Variants in DIPK1A observed in about 807,000 individuals in gnomAD.
DIPK1A encodes family with sequence similarity 69 member A.
DIPK1A carries 27 observed loss-of-function variants against 40.8 expected under a neutral mutation model. That is an observed-to-expected ratio of 0.66 (90% confidence interval 0.49 to 0.91). The LOEUF is 0.91. Ranked by LOEUF, DIPK1A falls within the 40% of genes least tolerant of loss-of-function variation. DIPK1A has a pLI of 0.00. For missense variants in DIPK1A, 412 were observed against 505.7 expected, an observed-to-expected ratio of 0.81 and a Z score of 1.78; for synonymous variants, 166 against 171.3, an observed-to-expected ratio of 0.97 and a Z score of 0.24.
chr1:92,961,278 C>T, intron 1 of DIPK1A, 98 bp downstream of exon 1: 1 of 893,126 alleles, frequency 1.1e-6, no homozygotes, highest in Non-Finnish European at 1.6e-6. Flanking sequence ...GGGCACAGAC[C>T]CAGGGAGGGA....
chr1:92,847,082 G>T, intron 4 of DIPK1A, 101 bp downstream of exon 4: 2 of 725,924 alleles, frequency 2.8e-6, no homozygotes, highest in Non-Finnish European at 4.0e-6. Flanking sequence ...ATCTGATAGA[G>T]GTCAAAGAAT....
At chr1:92,884,737 T>G (rs1648520550) in intron 1 of DIPK1A, among the ~76,000 whole-genome samples, 1 of 152,192 alleles carries the variant, frequency 6.6e-6, no homozygotes, top group Non-Finnish European at 1.5e-5. Context: ...AAAGTTTAAC[T>G]CTGTTTTACC....
chr1:92,909,216 C>T (rs1649737446), intron 1 of DIPK1A, among the ~76,000 whole-genome samples: 1 of 152,156 alleles, frequency 6.6e-6, no homozygotes, highest in Non-Finnish European at 1.5e-5. Flanking sequence ...TTTCCTTCAT[C>T]TGCAGAGGAG....
chr1:92,835,079 A>C, intron 4 of DIPK1A: 1 of 999,262 alleles, frequency 1.0e-6, no homozygotes, highest in Admixed American at 2.2e-5. Flanking sequence ...GCTCTTTCCA[A>C]TAAAATTTTC....
At chr1:92,919,291 A>G (rs1218411319) in intron 1 of DIPK1A, among the ~76,000 whole-genome samples, 2 of 152,214 alleles carry the variant, frequency 1.3e-5, no homozygotes, top group Non-Finnish European at 2.9e-5. Flanking sequence ...AACATAAAAG[A>G]AATATTTTGG....
At position 92,877,233 on chromosome 1, in the gene DIPK1A, T is replaced by G. The variant is rs538616022; in HGVS notation, c.55-803A>C. 87 of 597,556 alleles carry G rather than the reference T, an allele frequency of 1.5e-4. No individual in the cohort carries two copies. The African/African-American group carries it at 1.7e-3, about 12-fold the overall frequency. 37.0% of individuals were successfully genotyped at this position (597,556 alleles called of 1,614,324 possible). A position where few individuals can be genotyped will look rare whatever the true frequency, so the allele number is the denominator to read the frequency against. On this transcript the variant is annotated intron_variant, in intron 1 of 4. Coordinates refer to ENST00000370310, the MANE Select transcript of DIPK1A (RefSeq NM_001006605.5). The stretch of plus-strand genomic sequence containing the variant: ...TCCATCAATTACATATCAAACAGTT[T>G]CATCTTCAAAAGTGACACTTGATCA...
chr1:92,961,253 C>T (rs1652075294), intron 1 of DIPK1A, 123 bp downstream of exon 1: 1 of 512,718 alleles, frequency 2.0e-6, no homozygotes, highest in Admixed American at 4.7e-5. Flanking sequence ...CGGCAGGGGG[C>T]AGCGGGGTTC....
chr1:92,876,342 G>C lies in DIPK1A; in HGVS notation c.143C>G (p.Ser48Cys), dbSNP rs1295045664. ...TCCTCTGCATAATTCTGTATAGGTA[G>C]AATACTGCACATATATAATCCAGCT... ...VGSWIIYVQY[S>C]TYTELCRGKD... The change falls in exon 2 of 5, where the codon TCT (serine) becomes TGT (cysteine). Residue 48 changes from serine (S) to cysteine (C), a missense_variant. Coordinates refer to ENST00000370310, the MANE Select transcript of DIPK1A (RefSeq NM_001006605.5). 3 of 1,602,710 alleles carry C rather than the reference G, an allele frequency of 1.9e-6. No individual in the cohort carries two copies. The South Asian group carries it at 3.3e-5, about 18-fold the overall frequency.
intron 1 of DIPK1A, among the ~76,000 whole-genome samples, chr1:92,921,236 G>A (rs561670113): frequency 2.6e-5 from 4 of 152,242 alleles, no homozygotes; most frequent in African/African-American, 9.6e-5. Flanking sequence ...TCAGCCCTCA[G>A]ACACTGTTTA....
chr1:92,911,819 G>C (rs1649837197), intron 1 of DIPK1A, among the ~76,000 whole-genome samples: 1 of 151,698 alleles, frequency 6.6e-6, no homozygotes, highest in African/African-American at 2.4e-5. Flanking sequence ...TGGCCAACAT[G>C]GTGAAACCTC....
chr1:92,941,206 T>C (rs927643373), intron 1 of DIPK1A, among the ~76,000 whole-genome samples: 3 of 152,222 alleles, frequency 2.0e-5, no homozygotes, highest in Non-Finnish European at 4.4e-5. Context: ...CTTGCCAGAA[T>C]GAAATAGGAC....
At chr1:92,875,648 C>A (rs1365634562) in intron 2 of DIPK1A, among the ~76,000 whole-genome samples, 1 of 145,666 alleles carries the variant, frequency 6.9e-6, no homozygotes, top group Non-Finnish European at 1.5e-5. Context: ...ACCTGGGAGG[C>A]AGTTGCAGTA....
chr1:92,918,041 C>T (rs1441047271), intron 1 of DIPK1A, among the ~76,000 whole-genome samples: 1 of 152,016 alleles, frequency 6.6e-6, no homozygotes, highest in Non-Finnish European at 1.5e-5. Flanking sequence ...GGCTCCCATC[C>T]TTAGTAGAGA....
downstream of DIPK1A, chr1:92,837,699 G>C: frequency 7.3e-7 from 1 of 1,366,324 alleles, no homozygotes; most frequent in Non-Finnish European, 1.0e-6. Flanking sequence ...TACTTGTTTT[G>C]GGGGCAGGTA....
intron 4 of DIPK1A, among the ~76,000 whole-genome samples, chr1:92,845,242 C>A (rs1273512809): frequency 6.7e-6 from 1 of 149,822 alleles, no homozygotes; most frequent in African/African-American, 2.4e-5. Flanking sequence ...CCACCGCGCC[C>A]GGCCTATATT....
rs1648575623 is a variant in DIPK1A at position 92,885,876 on chromosome 1, C to T, written c.55-9446G>A. Among the ~76,000 whole-genome samples, 7 of 152,080 alleles carry T rather than the reference C, an allele frequency of 4.6e-5. No individual in the cohort carries two copies. The South Asian group carries it at 1.2e-3, about 27-fold the overall frequency. ...AATTATATTAAAAAACTAAATGATA[C>T]CGTTTGACATATTCCTTTCCTAGCT... On this transcript the variant is annotated intron_variant, in intron 1 of 4. Coordinates refer to ENST00000370310, the MANE Select transcript of DIPK1A (RefSeq NM_001006605.5).
intron 1 of DIPK1A, among the ~76,000 whole-genome samples, chr1:92,893,450 G>A (rs530267990): frequency 2.0e-5 from 3 of 151,814 alleles, no homozygotes; most frequent in Non-Finnish European, 4.4e-5. Flanking sequence ...ACAAGCAAAT[G>A]CTGAGAGATT....
At chr1:92,901,976 AG>A (rs1649431873) in intron 1 of DIPK1A, among the ~76,000 whole-genome samples, 1 of 152,080 alleles carries the variant, frequency 6.6e-6, no homozygotes, top group African/African-American at 2.4e-5. Flanking sequence ...ACAGCTGCTC[AG>A]CTTAGCCAGT....
chr1:92,833,542 C>T (rs1310326098), intron 4 of DIPK1A: 2 of 1,613,116 alleles, frequency 1.2e-6, no homozygotes, highest in African/African-American at 1.3e-5. Flanking sequence ...TTTTTTCTTT[C>T]AGAGGGTAAA....
Sources: gnomAD v4.1 joint callset for allele counts (sites outside exome capture counted in the v4.1 genomes callset) on GRCh38, gnomAD v4.1.1 for gene constraint, MANE v1.5 for transcripts, NCBI Gene and HGNC (gene_info 2026-07-23, HGNC 2026-07-21) for gene names.